The following MEGF8 variants were observed in gnomAD, a reference collection of about 807,000 sequenced individuals.
MEGF8 encodes the protein multiple EGF like domains 8, also known as multiple epidermal growth factor-like domains protein 8.
In MEGF8, 156 loss-of-function variants were observed where a neutral mutation model predicts 302.9. The ratio of observed to expected loss-of-function variants is 0.52; its 90% CI spans 0.45 to 0.59. The LOEUF (loss-of-function observed/expected upper bound fraction) is 0.59, where lower values mean the gene tolerates loss of function less well. Among genes scored for constraint, MEGF8 ranks in the 20% least tolerant of loss-of-function variants. The pLI, the probability that MEGF8 is intolerant of heterozygous loss-of-function variation, is 0.00. For synonymous variants in MEGF8, 1,621 were observed against 1,660.5 expected (o/e 0.98, Z 0.58); for missense variants, 3,345 against 3,964.5 (o/e 0.84, Z 4.20).
At chr19:42,372,039 A>AAACAGCAACAAC (rs1555784684) in intron 41 of MEGF8, among the ~76,000 whole-genome samples, 2 of 144,596 alleles carry the variant, frequency 1.4e-5, no homozygotes, top group African/African-American at 5.1e-5. Flanking sequence ...CTCTGTCTCA[A>AAACAGCAACAAC]AACAACAACA....
intron 1 of MEGF8, 131 bp from the exon 2 acceptor site, chr19:42,333,474 C>G: frequency 9.8e-7 from 1 of 1,017,952 alleles, no homozygotes; most frequent in Non-Finnish European, 1.4e-6. Flanking sequence ...AAGGCGGGGC[C>G]CAGGTCTGAC....
chr19:42,375,950 G>C lies in MEGF8; in HGVS notation c.7713G>C (p.Pro2571=). Residue 2571 remains proline, a synonymous_variant, in exon 42 of 42, where the codon CCG becomes CCC. Transcript: ENST00000251268. This position sits in a 1 kb window ranked among gnomAD's most constrained non-coding sequence, Gnocchi z 7.1. ...AGCCACGGGTACGGGAGGTATGGCC[G>C]CGGGGCCTGATTACCTACGTGACGG... ...PAEPRVREVW[P]RGLITYVTVT... The C allele has an allele frequency of 6.2e-7, 1 of 1,605,856 alleles. No individual in the cohort carries two copies. Among genetic ancestry groups the C allele is most frequent in the South Asian group, 1.1e-5 (1 of 90,326 alleles).
Position 42,344,652 on chromosome 19 carries a change from C to A in MEGF8, c.1934-18C>A. ...CACTCCACACTGACCCACCGGCCCC[C>A]ACCCCCTGTCTTCTCAGAGCAGGCC... On this transcript the variant is annotated intron_variant, in intron 11 of 41. Transcript: ENST00000251268. The surrounding 1 kb of genome is among the most constrained non-coding windows in gnomAD (Gnocchi z 4.5). 6.4e-7 allele frequency: 1 copy of A among 1,561,698 alleles called. No individual in the cohort carries two copies. The highest frequency in any genetic ancestry group is 1.2e-5 in the South Asian group (1 of 84,080).
intron 33 of MEGF8, 82 bp from the exon 34 acceptor site, chr19:42,362,302 C>G: frequency 6.2e-7 from 1 of 1,609,696 alleles, no homozygotes; most frequent in South Asian, 1.1e-5. Context: ...CCCACCCACC[C>G]CAGGGTCTCA....
In MEGF8 at chr19:42,353,255, C is replaced by T. The variant is rs1017712875; in HGVS notation, c.3550+128C>T. The T allele has an allele frequency of 4.7e-6, 5 of 1,059,856 alleles. No homozygotes were observed. In the African/African-American group the frequency reaches 8.0e-5, roughly 17 times the overall value. The allele number at this position is 1,059,856 out of a possible 1,614,324, so 65.7% of individuals were successfully genotyped here. A position where few individuals can be genotyped will look rare whatever the true frequency, so the allele number is the denominator to read the frequency against. On this transcript the variant is annotated intron_variant, in intron 20 of 41. Transcript: ENST00000251268. The surrounding 1 kb of genome is among the most constrained non-coding windows in gnomAD (Gnocchi z 6.1). ...GCAGCTCTAGGTCCCCTGCCCCATT[C>T]CTGTTCCTGACTCAAACAGGTTTCA... is the stretch of plus-strand genomic sequence containing the variant.
In MEGF8 at chr19:42,356,170, C is replaced by G. The variant is rs780355005; in HGVS notation, c.4480C>G (p.Leu1494Val). The G allele has an allele frequency of 1.5e-5, 24 of 1,549,824 alleles. No individual in the cohort carries two copies. The highest frequency in any genetic ancestry group is 2.1e-5 in the Non-Finnish European group (24 of 1,146,038). Residue 1494 changes from leucine to valine, a missense_variant, in exon 25 of 42, where the codon CTC (leucine) becomes GTC (valine). Leu to Val is a conservative substitution (Grantham distance 32, BLOSUM62 1). Transcript: ENST00000251268. This position sits in a 1 kb window ranked among gnomAD's most constrained non-coding sequence, Gnocchi z 5.2. ...TGGCGGGCAGCTGGTCTGGGAGACC[C>G]TCATGGACAGCCGCCTCTCAGCCGT... is the stretch of plus-strand genomic sequence containing the variant. ...LDGGQLVWET[L>V]MDSRLSADTA... is the part of the protein sequence containing the mutation.
intron 1 of MEGF8, among the ~76,000 whole-genome samples, chr19:42,327,521 C>CCCCA (rs1295450522): frequency 6.6e-6 from 1 of 152,212 alleles, no homozygotes; most frequent in Admixed American, 6.5e-5. Context: ...GGAGGAAAGG[C>CCCCA]CCCAGCCCTA....
At position 42,337,197 on chromosome 19, in the gene MEGF8, A is replaced by G. The variant is rs1344184170; in HGVS notation, c.1504A>G (p.Thr502Ala). Residue 502 changes from threonine to alanine, a missense_variant, in exon 8 of 42, where the codon ACC becomes GCC. Physicochemically the swap from Thr to Ala is moderately conservative, Grantham distance 58. Transcript: ENST00000251268. ...VSGAELAPPG[T>A]PEGRAAPPSG... ...AGGAGCTGAGCTTGCCCCGCCAGGA[A>G]CCCCTGAGGGTGAGTGGTCCCTGTT... The G allele has an allele frequency of 6.2e-7, 1 of 1,613,476 alleles. No individual in the cohort carries two copies. Among genetic ancestry groups the G allele is most frequent in the African/African-American group, 1.3e-5 (1 of 74,872 alleles).
Position 42,356,525 on chromosome 19 carries a change from A to G in MEGF8, c.4622+72A>G. The G allele has an allele frequency of 8.1e-7, 1 of 1,230,178 alleles. No homozygotes were observed. Among genetic ancestry groups the G allele is most frequent in the South Asian group, 1.6e-5 (1 of 64,354 alleles). The allele number at this position is 1,230,178 out of a possible 1,614,324, so 76.2% of individuals were successfully genotyped here. Reference sequence around the variant, plus strand: ...ACCTCGGGATGCTAAGAGTCACCTCAGAGGAGTGCAGAAAAGCCTCTAAGG... The same window carrying G: ...ACCTCGGGATGCTAAGAGTCACCTCGGAGGAGTGCAGAAAAGCCTCTAAGG... On this transcript the variant is annotated intron_variant, in intron 26 of 41. Coordinates refer to ENST00000251268, the MANE Select transcript of MEGF8 (RefSeq NM_001271938.2). This position sits in a 1 kb window ranked among gnomAD's most constrained non-coding sequence, Gnocchi z 5.2.
At chr19:42,361,063 G>A (rs1315376264) in intron 32 of MEGF8, 57 bp downstream of exon 32, 2 of 1,483,314 alleles carry the variant, frequency 1.3e-6, no homozygotes, top group African/African-American at 1.4e-5. Flanking sequence ...TGGGGGTCCT[G>A]TGCTAGGCCA....
At position 42,335,031 on chromosome 19, in the gene MEGF8, G is replaced by T. The variant is rs759916103; in HGVS notation, c.559-4G>T. The stretch of plus-strand genomic sequence containing the variant: ...TCTCTGCCTTTATGTCTCCTTTCCC[G>T]CAGCCCCTGGGACCATGCCGCTGTG... On this transcript the variant is annotated splice_region_variant and splice_polypyrimidine_tract_variant and intron_variant, in intron 3 of 41. Coordinates refer to ENST00000251268, the MANE Select transcript of MEGF8 (RefSeq NM_001271938.2). 9 of 1,599,980 alleles carry T rather than the reference G, an allele frequency of 5.6e-6. No homozygotes were observed. The highest frequency in any genetic ancestry group is 3.5e-5 in the Admixed American group (2 of 56,568).
rs367675302 is a variant in MEGF8 at position 42,356,288 on chromosome 19, T to G, written c.4504-47T>G. 1.5e-5 allele frequency: 24 copies of G among 1,579,006 alleles called. No homozygotes were observed. The South Asian group carries it at 2.7e-4, about 18-fold the overall frequency. ...CCACCCCTACACCCAGGCCTGGCAC[T>G]TTGTCCTGACCCTAGCCTGATCCCC... On this transcript the variant is annotated intron_variant, in intron 25 of 41. Coordinates refer to ENST00000251268, the MANE Select transcript of MEGF8 (RefSeq NM_001271938.2). This position sits in a 1 kb window ranked among gnomAD's most constrained non-coding sequence, Gnocchi z 5.2.
chr19:42,374,149 T>G (rs1195920762), intron 41 of MEGF8, among the ~76,000 whole-genome samples: 1 of 152,018 alleles, frequency 6.6e-6, no homozygotes, highest in Non-Finnish European at 1.5e-5. Flanking sequence ...GGGGCCTCAG[T>G]GGGGTACAGA....
rs569207892 is a variant in MEGF8 at position 42,344,220 on chromosome 19, G to A, written c.1788+147G>A. On this transcript the variant is annotated intron_variant, in intron 10 of 41. Coordinates refer to ENST00000251268, the MANE Select transcript of MEGF8 (RefSeq NM_001271938.2). The surrounding 1 kb of genome is among the most constrained non-coding windows in gnomAD (Gnocchi z 4.5). ...ATCCTCCTTCCTGATTCCTGACTGC[G>A]GAGCCCTGAACCTTTGCCTATCCCA... The A allele has an allele frequency of 1.2e-4, 165 of 1,331,300 alleles. No individual in the cohort carries two copies. In the African/African-American group the frequency reaches 2.1e-3, roughly 17 times the overall value. The allele number at this position is 1,331,300 out of a possible 1,614,324, so 82.5% of individuals were successfully genotyped here.
chr19:42,359,076 C>A, intron 30 of MEGF8, 22 bp from the exon 31 acceptor site: 1 of 1,511,258 alleles, frequency 6.6e-7, no homozygotes, highest in East Asian at 2.5e-5. Flanking sequence ...TCCTGTCCCC[C>A]CACCCCCCGT....
Position 42,362,154 on chromosome 19 carries a change from C to T in MEGF8, c.5785C>T (p.Arg1929Trp), listed in dbSNP as rs529688057. The T allele has an allele frequency of 1.7e-5, 28 of 1,611,414 alleles. No individual in the cohort carries two copies. The Admixed American group carries it at 1.8e-4, about 11-fold the overall frequency. The change falls in exon 33 of 42, where the codon CGG becomes TGG. Residue 1929 changes from arginine to tryptophan, a missense_variant. By Grantham distance (101) the Arg-to-Trp change is moderately radical (BLOSUM62 -3). Coordinates refer to ENST00000251268, the MANE Select transcript of MEGF8 (RefSeq NM_001271938.2). Reference protein sequence around the residue: ...PRSPEECRRLRTCSECLARHP... With the variant: ...PRSPEECRRLWTCSECLARHP... The stretch of plus-strand genomic sequence containing the variant: ...CTCCCCGGAGGAATGTCGACGTCTC[C>T]GGACCTGCAGTGAGTGCCTGGCCCG...
intron 15 of MEGF8, among the ~76,000 whole-genome samples, chr19:42,350,802 G>C (rs1327730525): frequency 6.6e-6 from 1 of 152,176 alleles, no homozygotes; most frequent in Non-Finnish European, 1.5e-5. Context: ...CTCAAACAGA[G>C]TGAGGCTTCC....
chr19:42,343,725 G>A, intron 9 of MEGF8, 94 bp downstream of exon 9: 1 of 1,433,048 alleles, frequency 7.0e-7, no homozygotes, highest in Non-Finnish European at 9.3e-7. Flanking sequence ...ATCCCTGGGA[G>A]AAGGAGTGGG....
chr19:42,349,433 T>G, intron 13 of MEGF8, 66 bp from the exon 14 acceptor site: 1 of 1,437,338 alleles, frequency 7.0e-7, no homozygotes, highest in Non-Finnish European at 9.5e-7. Flanking sequence ...TTTGGAGGTA[T>G]CAGGGGTCTG....
Sources: allele counts gnomAD v4.1 joint callset (sites outside exome capture counted in the v4.1 genomes callset), GRCh38; gene constraint gnomAD v4.1.1; non-coding constraint Gnocchi (gnomAD v3.1); transcripts MANE v1.5; gene names NCBI Gene and HGNC (gene_info 2026-07-23, HGNC 2026-07-21).